Variants in DRC11L observed in about 807,000 individuals in gnomAD.
DRC11L encodes the protein dynein regulatory complex subunit 11 like.
At chr7:151,198,683 GC>G in the DRC11L span, 6 of 397,486 alleles carry the variant, frequency 1.5e-5, no homozygotes, top group African/African-American at 1.2e-4. Context: ...AGGAGAAAAG[GC>G]CCCATCTGGA....
chr7:151,192,456 G>A, the DRC11L span: 1 of 399,366 alleles, frequency 2.5e-6, no homozygotes, highest in Non-Finnish European at 4.4e-6. Context: ...GGGTCCATCT[G>A]CTCCAGGGGA....
chr7:151,196,597 G>A, the DRC11L span: 48 of 399,528 alleles, frequency 1.2e-4, no homozygotes, highest in African/African-American at 7.8e-4. Context: ...TCAGAGTGCC[G>A]GGTGCATACA....
At chr7:151,195,731 A>C in the DRC11L span, 1 of 398,964 alleles carries the variant, frequency 2.5e-6, no homozygotes, top group Non-Finnish European at 4.4e-6. Context: ...GCAGGCAGGC[A>C]GGGATGGGAA....
the DRC11L span, among the ~76,000 whole-genome samples, chr7:151,205,114 G>T: frequency 1.3e-5 from 2 of 152,260 alleles, no homozygotes; most frequent in East Asian, 3.9e-4. Flanking sequence ...CAGGCTTGGG[G>T]CTCTGGTAAG....
the DRC11L span, among the ~76,000 whole-genome samples, chr7:151,191,460 C>T: frequency 2.6e-5 from 4 of 152,324 alleles, no homozygotes; most frequent in South Asian, 6.2e-4. Context: ...GGGACGGCCC[C>T]GAAGCCTTGG....
the DRC11L span, chr7:151,191,581 G>T: frequency 2.0e-5 from 8 of 398,740 alleles, no homozygotes; most frequent in Non-Finnish European, 3.1e-5. Context: ...TTGTGCTTCA[G>T]GGGGCTGACT....
chr7:151,197,818 G>A, the DRC11L span: 4 of 399,086 alleles, frequency 1.0e-5, no homozygotes, highest in South Asian at 2.5e-4. Flanking sequence ...CTCCAACAGG[G>A]TACCTGTTCT....
the DRC11L span, chr7:151,204,408 G>T: frequency 4.3e-6 from 1 of 230,362 alleles, no homozygotes. Flanking sequence ...AAGCTGGCCA[G>T]GGCGTGGCTC....
At chr7:151,191,550 G>A in the DRC11L span, 2 of 398,110 alleles carry the variant, frequency 5.0e-6, no homozygotes, top group Non-Finnish European at 8.8e-6. Context: ...TAATTTGTGG[G>A]AGCAGAGAGA....
the DRC11L span, among the ~76,000 whole-genome samples, chr7:151,203,724 G>A: frequency 6.6e-6 from 1 of 152,082 alleles, no homozygotes; most frequent in Admixed American, 6.5e-5. Context: ...GTTGAATTCT[G>A]GAGGCTCATG....
chr7:151,194,784 A>G, the DRC11L span, among the ~76,000 whole-genome samples: 2 of 152,232 alleles, frequency 1.3e-5, no homozygotes, highest in Non-Finnish European at 2.9e-5. Context: ...CAGGTATGGC[A>G]CCAAATCACT....
At chr7:151,200,104 G>A in the DRC11L span, among the ~76,000 whole-genome samples, 9 of 152,124 alleles carry the variant, frequency 5.9e-5, no homozygotes, top group Non-Finnish European at 1.0e-4. Context: ...CCAGCTGGGG[G>A]TGGGAACATG....
chr7:151,192,936 C>G, the DRC11L span: 21 of 398,446 alleles, frequency 5.3e-5, no homozygotes, highest in Middle Eastern at 6.3e-4. Context: ...CAGGGGCTGA[C>G]CTTGGAGCCC....
the DRC11L span, chr7:151,194,144 C>G: frequency 2.6e-6 from 1 of 390,962 alleles, no homozygotes; most frequent in Admixed American, 4.5e-5. Context: ...GGACCTGGGG[C>G]TTGGAGGCCC....
the DRC11L span, chr7:151,198,892 T>C: frequency 5.0e-6 from 2 of 399,008 alleles, no homozygotes; most frequent in Admixed American, 4.4e-5. Context: ...GCCTTCACCA[T>C]TGCTGCCCGG....
At chr7:151,192,439 C>G in the DRC11L span, 5 of 399,448 alleles carry the variant, frequency 1.3e-5, no homozygotes, top group Non-Finnish European at 2.2e-5. Context: ...CCTTCTTTAT[C>G]CGCTTTGGGT....
the DRC11L span, chr7:151,193,075 A>T: frequency 2.5e-6 from 1 of 397,250 alleles, no homozygotes; most frequent in Non-Finnish European, 4.4e-6. Context: ...CTACCATGAA[A>T]AGAAACTGCT....
chr7:151,199,697 A>G, the DRC11L span, among the ~76,000 whole-genome samples: 1 of 151,418 alleles, frequency 6.6e-6, no homozygotes, highest in African/African-American at 2.4e-5. The surrounding 1 kb of genome is among the most constrained non-coding windows in gnomAD (Gnocchi z 5.2). Context: ...CCTTCCCTCC[A>G]ATCCCTCCAG....
chr7:151,191,157 G>A, the DRC11L span: 1 of 399,978 alleles, frequency 2.5e-6, no homozygotes, highest in African/African-American at 2.1e-5. Context: ...CCCTTTTACA[G>A]ATTGTTTCCT....
Sources: gnomAD v4.1 joint callset for allele counts (sites outside exome capture counted in the v4.1 genomes callset) on GRCh38, gnomAD v4.1.1 for gene constraint, Gnocchi (gnomAD v3.1) non-coding constraint, MANE v1.5 for transcripts, NCBI Gene and HGNC (gene_info 2026-07-23, HGNC 2026-07-21) for gene names.